The following CDK6 variants were observed in gnomAD, a reference collection of about 807,000 sequenced individuals.
CDK6 encodes cyclin dependent kinase 6.
A neutral mutation model predicts 37.1 loss-of-function variants in CDK6; 6 were observed. The ratio of observed to expected loss-of-function variants is 0.16; its 90% CI spans 0.09 to 0.32. CDK6 has a LOEUF of 0.32. CDK6 is among the 10% of genes least tolerant of loss of function. The pLI is 1.00. For synonymous variants in CDK6, 160 were observed against 161.3 expected, an observed-to-expected ratio of 0.99 and a Z score of 0.06; for missense variants, 224 against 418.9, an observed-to-expected ratio of 0.53 and a Z score of 4.06.
At chr7:92,724,305 C>T (rs567340145) in intron 4 of CDK6, among the ~76,000 whole-genome samples, 23 of 152,152 alleles carry the variant, frequency 1.5e-4, no homozygotes, top group Non-Finnish European at 2.6e-4. Context: ...CATTTCTCCT[C>T]TAAAGCAATG....
At chr7:92,636,056 GTTA>G (rs550365743) in intron 5 of CDK6, among the ~76,000 whole-genome samples, 196 of 152,144 alleles carry the variant, frequency 1.3e-3, no homozygotes, top group Non-Finnish European at 1.9e-3. Flanking sequence ...TTTTAAATTT[GTTA>G]TTATTATTAT....
chr7:92,733,548 C>T (rs1297166457), intron 3 of CDK6, among the ~76,000 whole-genome samples: 3 of 152,098 alleles, frequency 2.0e-5, no homozygotes, highest in African/African-American at 7.2e-5. Flanking sequence ...AACTCATTTG[C>T]ATGTAGATCT....
chr7:92,739,592 G>C (rs956420091), intron 3 of CDK6, among the ~76,000 whole-genome samples: 3 of 152,184 alleles, frequency 2.0e-5, no homozygotes, highest in Admixed American at 6.5e-5. Flanking sequence ...GGTAATTATA[G>C]TTCCTACATT....
chr7:92,779,055 C>CCGTT (rs1799922036), intron 2 of CDK6, among the ~76,000 whole-genome samples: 1 of 151,838 alleles, frequency 6.6e-6, no homozygotes, highest in East Asian at 1.9e-4. Flanking sequence ...GCCCCCTGGA[C>CCGTT]CGTTGTCTTA....
At chr7:92,796,593 G>A (rs1403000781) in intron 2 of CDK6, among the ~76,000 whole-genome samples, 1 of 152,018 alleles carries the variant, frequency 6.6e-6, no homozygotes, top group African/African-American at 2.4e-5. Context: ...GGAAAACTGA[G>A]TTGGTAAGAG....
chr7:92,672,242 C>CACACACACACACACACACACATAT (rs1374477819), intron 4 of CDK6, among the ~76,000 whole-genome samples: 1 of 116,556 alleles, frequency 8.6e-6, no homozygotes, highest in East Asian at 2.4e-4. Flanking sequence ...CACACACACA[C>CACACACACACACACACACACATAT]ATATATGAAG....
At chr7:92,740,147 T>G (rs1798885654) in intron 3 of CDK6, among the ~76,000 whole-genome samples, 1 of 152,230 alleles carries the variant, frequency 6.6e-6, no homozygotes, top group South Asian at 2.1e-4. Flanking sequence ...GATTGTTACC[T>G]AAAGCACTTT....
intron 4 of CDK6, among the ~76,000 whole-genome samples, chr7:92,716,023 C>CT (rs1798222660): frequency 6.6e-6 from 1 of 152,182 alleles, no homozygotes; most frequent in African/African-American, 2.4e-5. Flanking sequence ...GCTGCCCAGA[C>CT]ACACATTCAA....
intron 2 of CDK6, among the ~76,000 whole-genome samples, chr7:92,810,092 A>T (rs1312303049): frequency 1.3e-5 from 2 of 152,172 alleles, no homozygotes; most frequent in African/African-American, 4.8e-5. Context: ...TGGTCTCTAG[A>T]TATGGCTATG....
At chr7:92,825,236 G>A (rs1428956906) in intron 2 of CDK6, among the ~76,000 whole-genome samples, 3 of 152,064 alleles carry the variant, frequency 2.0e-5, no homozygotes, top group Non-Finnish European at 4.4e-5. Flanking sequence ...CTTGCTGAAT[G>A]CCAGAGACCT....
At chr7:92,780,583 A>AC (rs1799961139) in intron 2 of CDK6, among the ~76,000 whole-genome samples, 2 of 151,630 alleles carry the variant, frequency 1.3e-5, no homozygotes, top group South Asian at 4.2e-4. Flanking sequence ...ACACGGTGAA[A>AC]CCCCATCTCT....
At chr7:92,766,736 T>C (rs1333657855) in intron 3 of CDK6, among the ~76,000 whole-genome samples, 5 of 152,332 alleles carry the variant, frequency 3.3e-5, no homozygotes, top group African/African-American at 4.8e-5. Context: ...TCTGTTGCCA[T>C]GGTGATATAA....
At chr7:92,724,643 G>A (rs1798466202) in intron 4 of CDK6, among the ~76,000 whole-genome samples, 1 of 152,078 alleles carries the variant, frequency 6.6e-6, no homozygotes, top group Admixed American at 6.6e-5. Context: ...GACCAAAGAT[G>A]TTGCCAATCA....
At chr7:92,683,626 A>G (rs548797943) in intron 4 of CDK6, among the ~76,000 whole-genome samples, 44 of 152,134 alleles carry the variant, frequency 2.9e-4, no homozygotes, top group South Asian at 1.7e-3. Context: ...ATCGAGATGC[A>G]TGCAGGAAAA....
intron 2 of CDK6, among the ~76,000 whole-genome samples, chr7:92,810,452 G>C (rs943671512): frequency 1.3e-5 from 2 of 152,182 alleles, no homozygotes; most frequent in Non-Finnish European, 2.9e-5. Context: ...CATTTACGTT[G>C]TCTGTTTCTT....
chr7:92,816,581 A>C (rs1179611913), intron 2 of CDK6, among the ~76,000 whole-genome samples: 1 of 152,120 alleles, frequency 6.6e-6, no homozygotes, highest in African/African-American at 2.4e-5. Flanking sequence ...AAAATAACCC[A>C]AATTGAATGA....
intron 3 of CDK6, among the ~76,000 whole-genome samples, chr7:92,726,905 C>T (rs899256929): frequency 2.0e-5 from 3 of 152,218 alleles, no homozygotes; most frequent in Admixed American, 2.0e-4. Flanking sequence ...CCCACTTTAT[C>T]ATAGGATCAT....
At position 92,627,537 on chromosome 7, in the gene CDK6, C is replaced by G. The variant is rs140465942; in HGVS notation, c.648-4451G>C. On this transcript the variant is annotated intron_variant, in intron 5 of 7. Coordinates refer to ENST00000424848, the MANE Select transcript of CDK6 (RefSeq NM_001145306.2). ...TGAGGAAATGAACCCTCTCCAGATA[C>G]TGGCTCTGACCTTGGACTTCCCAGC... Among the ~76,000 whole-genome samples the G allele has an allele frequency of 1.1e-4, 17 of 152,196 alleles. No homozygotes were observed. In the East Asian group the frequency reaches 3.3e-3, roughly 29 times the overall value.
intron 3 of CDK6, among the ~76,000 whole-genome samples, chr7:92,759,697 CAA>C (rs61188860): frequency 1.8e-3 from 134 of 74,088 alleles, no homozygotes; most frequent in Non-Finnish European, 2.2e-3. Context: ...GACTTTAAGG[CAA>C]AAAAAAAAAA....
Sources: allele counts gnomAD v4.1 joint callset (sites outside exome capture counted in the v4.1 genomes callset), GRCh38; gene constraint gnomAD v4.1.1; transcripts MANE v1.5; gene names NCBI Gene and HGNC (gene_info 2026-07-23, HGNC 2026-07-21).